The following DBN1 variants were observed in gnomAD, a reference collection of about 807,000 sequenced individuals.
The protein encoded by DBN1 is drebrin.
In DBN1, 21 loss-of-function variants were observed where a neutral mutation model predicts 83.5. The ratio of observed to expected loss-of-function variants is 0.25; its 90% CI spans 0.18 to 0.36. DBN1 has a LOEUF of 0.36. DBN1 is among the 10% of genes least tolerant of loss of function. The pLI is 1.00. For missense variants in DBN1, 874 were observed against 935.7 expected, an observed-to-expected ratio of 0.93 and a Z score of 0.86; for synonymous variants, 381 against 384.9, an observed-to-expected ratio of 0.99 and a Z score of 0.12.
Position 177,466,627 on chromosome 5 carries a change from T to C in DBN1, c.771+145A>G. 1 of 906,734 alleles carries C rather than the reference T, an allele frequency of 1.1e-6. No homozygotes were observed. Among genetic ancestry groups the C allele is most frequent in the East Asian group, 2.4e-5 (1 of 41,596 alleles). 56.2% of individuals were successfully genotyped at this position (906,734 alleles called of 1,614,324 possible). ...CCACGTGATGAGGTGCCAGGCCTCA[T>C]GCTCCATGGCACCCTGTGCCCATGC... On this transcript the variant is annotated intron_variant, in intron 8 of 14. Transcript: ENST00000393565. The surrounding 1 kb of genome is among the most constrained non-coding windows in gnomAD (Gnocchi z 4.8).
chr5:177,463,390 G>A (rs773462619), intron 8 of DBN1, among the ~76,000 whole-genome samples: 4 of 152,094 alleles, frequency 2.6e-5, no homozygotes, highest in Non-Finnish European at 5.9e-5. Flanking sequence ...AACAAGTAAG[G>A]CCCAGAGGGA....
intron 11 of DBN1, 111 bp from the exon 12 acceptor site, chr5:177,459,379 G>A (rs1350266800): frequency 1.3e-6 from 2 of 1,490,374 alleles, no homozygotes; most frequent in African/African-American, 2.8e-5. Context: ...GGTGGGGGCT[G>A]GGAGCTCTCC....
chr5:177,464,603 CAATAAATA>C (rs58012739), intron 8 of DBN1, among the ~76,000 whole-genome samples: 1,682 of 138,306 alleles, frequency 0.012, 20 homozygotes, highest in South Asian at 0.015. Context: ...ACTAAAAAGA[CAATAAATA>C]AATAAATAAA....
At chr5:177,472,705 G>C in intron 1 of DBN1, 4 of 812,752 alleles carry the variant, frequency 4.9e-6, no homozygotes, top group Non-Finnish European at 6.1e-6. Flanking sequence ...TGGCCCCTTA[G>C]GCAGCTCGGT....
rs1757569051 is a variant in DBN1, at chr5:177,467,925, G to C, written c.256-108C>G. The C allele has an allele frequency of 2.1e-6, 3 of 1,432,416 alleles. No homozygotes were observed. The highest frequency in any genetic ancestry group is 2.9e-6 in the Non-Finnish European group (3 of 1,024,874). 88.7% of individuals were successfully genotyped at this position (1,432,416 alleles called of 1,614,324 possible). The stretch of plus-strand genomic sequence containing the variant: ...AGAGGGTGGGCTTCCCTCTCCACGG[G>C]TGTCAGAGGGCCGACGGGGAGGGCG... On this transcript the variant is annotated intron_variant, in intron 3 of 14. Transcript: ENST00000393565. The surrounding 1 kb of genome is among the most constrained non-coding windows in gnomAD (Gnocchi z 9.1).
chr5:177,472,495 C>T (rs1757923278), intron 1 of DBN1: 1 of 1,061,612 alleles, frequency 9.4e-7, no homozygotes, highest in African/African-American at 1.7e-5. Flanking sequence ...CCGCCAGCCC[C>T]AGAGCAGGTG....
Position 177,458,555 on chromosome 5 carries a change from C to A in DBN1, c.1417G>T (p.Ala473Ser). 6.2e-7 allele frequency: 1 copy of A among 1,614,150 alleles called. No homozygotes were observed. Among genetic ancestry groups the A allele is most frequent in the Non-Finnish European group, 8.5e-7 (1 of 1,180,008 alleles). Residue 473 changes from alanine (A) to serine (S), a missense_variant, in exon 13 of 15, where the codon GCA (alanine) becomes TCA (serine). Transcript: ENST00000393565. ...PAEDLMFMES[A>S]EQAVLAAPVE... ...GGAGCAGCCAGGACAGCCTGCTCTG[C>A]AGACTCCATGAACATCAAGTCCTCT...
In DBN1 at chr5:177,467,122, T is replaced by C; in HGVS notation, c.556-60A>G. On this transcript the variant is annotated intron_variant, in intron 6 of 14. Transcript: ENST00000393565. This position sits in a 1 kb window ranked among gnomAD's most constrained non-coding sequence, Gnocchi z 9.1. ...AGCCTAGGCGCCTGGACCCTGCCCC[T>C]CCAGCCCCTCCCTAACCCAGCGCTG... 1.9e-6 allele frequency: 3 copies of C among 1,609,420 alleles called. No individual in the cohort carries two copies. Among genetic ancestry groups the C allele is most frequent in the Non-Finnish European group, 1.7e-6 (2 of 1,177,514 alleles).
intron 1 of DBN1, chr5:177,472,108 C>CTG (rs1427983833): frequency 1.2e-6 from 2 of 1,606,208 alleles, no homozygotes; most frequent in South Asian, 2.2e-5. Flanking sequence ...CCGGCCTCTC[C>CTG]TGTGACTGAC....
At position 177,457,456 on chromosome 5, in the gene DBN1, C is replaced by T. The variant is rs1200719679; in HGVS notation, c.2065G>A (p.Glu689Lys). Reference protein sequence around the residue: ...WDADPVPEEEEGFEGGD With the variant: ...WDADPVPEEEKGFEGGD The stretch of plus-strand genomic sequence containing the variant: ...CGCTAATCACCACCCTCGAAGCCCT[C>T]CTCCTCTTCTGGAACTGGGTCTGCA... Residue 689 changes from glutamate (E) to lysine (K), a missense_variant, in exon 15 of 15, where the codon GAG becomes AAG. By Grantham distance (56) the Glu-to-Lys change is moderately conservative. Around this residue, in one of 4 missense-constraint regions of DBN1, gnomAD observed 725 missense variants for 719.7 expected, o/e 1.01. Transcript: ENST00000393565. The T allele has an allele frequency of 1.2e-6, 2 of 1,614,172 alleles. No individual in the cohort carries two copies. The highest frequency in any genetic ancestry group is 1.7e-6 in the Non-Finnish European group (2 of 1,180,010).
At chr5:177,469,186 T>C (rs1328087003) in intron 1 of DBN1, among the ~76,000 whole-genome samples, 5 of 152,112 alleles carry the variant, frequency 3.3e-5, no homozygotes, top group Non-Finnish European at 1.5e-5. Context: ...TACAACCCAG[T>C]GGAGCGGGTG....
chr5:177,473,560 ACGGACGGG>A lies in DBN1; in HGVS notation c.-47_-40del. On this transcript the variant is annotated 5_prime_UTR_variant, in exon 1 of 15. Transcript: ENST00000393565. ...CCGGGCCGAACGGACAGACGCGCGG[ACGGACGGG>A]CGGACGGAGGAGGAGGGAGGGAAAG... 5 of 1,193,316 alleles carry A rather than the reference ACGGACGGG, an allele frequency of 4.2e-6. No individual in the cohort carries two copies. Among genetic ancestry groups the A allele is most frequent in the Non-Finnish European group, 5.3e-6 (5 of 941,058 alleles). The allele number at this position is 1,193,316 out of a possible 1,614,324, so 73.9% of individuals were successfully genotyped here.
chr5:177,458,411 G>A lies in DBN1; in HGVS notation c.1561C>T (p.Leu521Phe), dbSNP rs956263603. The A allele has an allele frequency of 6.8e-6, 11 of 1,614,082 alleles. No homozygotes were observed. The highest frequency in any genetic ancestry group is 9.3e-6 in the Non-Finnish European group (11 of 1,180,020). ...ANNVPPAATS[L>F]IDLWPGNGEG... The stretch of plus-strand genomic sequence containing the variant: ...CCGTTGCCAGGCCATAGGTCAATGA[G>A]GCTGGTGGCGGCGGGGGGTACGTTG... Residue 521 changes from leucine to phenylalanine, a missense_variant, in exon 13 of 15, where the codon CTC becomes TTC. Transcript: ENST00000393565.
chr5:177,462,128 G>A, intron 8 of DBN1: 1 of 754,398 alleles, frequency 1.3e-6, no homozygotes, highest in Non-Finnish European at 1.6e-6. Flanking sequence ...TGTTTTGGGT[G>A]GGCAGCGCCC....
At chr5:177,461,738 T>TA (rs1757057123) in intron 8 of DBN1, among the ~76,000 whole-genome samples, 1 of 152,134 alleles carries the variant, frequency 6.6e-6, no homozygotes, top group African/African-American at 2.4e-5. Flanking sequence ...CTACCTGCCT[T>TA]ATTTGCTCTC....
intron 8 of DBN1, among the ~76,000 whole-genome samples, chr5:177,464,603 CAATAAATAAATAAATAAATAAATAAATA>C (rs58012739): frequency 3.9e-4 from 54 of 138,332 alleles, no homozygotes; most frequent in African/African-American, 1.4e-3. Context: ...ACTAAAAAGA[CAATAAATAAATAAATAAATAAATAAATA>C]AATAAATAAA....
intron 1 of DBN1, among the ~76,000 whole-genome samples, chr5:177,471,579 G>A (rs1243363334): frequency 1.3e-5 from 2 of 152,020 alleles, no homozygotes; most frequent in Non-Finnish European, 2.9e-5. Flanking sequence ...TGCACCCCTG[G>A]TTCCATGCTG....
chr5:177,472,980 G>C (rs1757958976), intron 1 of DBN1: 1 of 322,922 alleles, frequency 3.1e-6, no homozygotes, highest in Middle Eastern at 1.5e-3. Flanking sequence ...TGGCCGGGCC[G>C]GGCTGAGCCG....
Position 177,458,041 on chromosome 5 carries a change from G to T in DBN1, c.1914+17C>A, listed in dbSNP as rs771924349. On this transcript the variant is annotated intron_variant, in intron 13 of 14. Coordinates refer to ENST00000393565, the MANE Select transcript of DBN1 (RefSeq NM_001363541.2). ...CCACTCCCTCCCATCCCTCCCACCA[G>T]GCAGTCCCTGCCGCACCTGGGTCCC... 1 of 1,613,572 alleles carries T rather than the reference G, an allele frequency of 6.2e-7. No homozygotes were observed. The highest frequency in any genetic ancestry group is 1.7e-5 in the Admixed American group (1 of 60,030).
Sources: gnomAD v4.1 joint callset for allele counts (sites outside exome capture counted in the v4.1 genomes callset) on GRCh38, gnomAD v4.1.1 for gene constraint, gnomAD v4.1.1 regional missense constraint, Gnocchi (gnomAD v3.1) non-coding constraint, MANE v1.5 for transcripts, NCBI Gene and HGNC (gene_info 2026-07-23, HGNC 2026-07-21) for gene names.